LETM1: variants seen among roughly 807,000 people sequenced by gnomAD.
LETM1 encodes the protein mitochondrial proton/calcium exchanger protein.
Under a neutral mutation model 74.5 loss-of-function variants are expected in LETM1, and 50 were observed. The ratio of observed to expected loss-of-function variants is 0.67; its 90% CI spans 0.53 to 0.85. The LOEUF (loss-of-function observed/expected upper bound fraction) is 0.85, where lower values mean the gene tolerates loss of function less well. Among genes scored for constraint, LETM1 ranks in the 40% least tolerant of loss-of-function variants. The pLI, the probability that LETM1 is intolerant of heterozygous loss-of-function variation, is 0.00. For missense variants in LETM1, 824 were observed against 967.8 expected, an observed-to-expected ratio of 0.85 and a Z score of 1.97; for synonymous variants, 446 against 407.1, an observed-to-expected ratio of 1.10 and a Z score of -1.15.
At chr4:1,839,778 C>T (rs1042476208) in intron 3 of LETM1, among the ~76,000 whole-genome samples, 1 of 152,218 alleles carries the variant, frequency 6.6e-6, no homozygotes, top group African/African-American at 2.4e-5. Context: ...GGAAGGAATG[C>T]CCAAGAGGAC....
chr4:1,825,687 G>A lies in LETM1; in HGVS notation c.1081-4C>T, dbSNP rs765911043. Reference sequence around the variant, plus strand: ...CCACCCCTTCCTCAGCAATCAGCTAGAAAACAAAGCAGTGAATTATCATCT... The same window carrying A: ...CCACCCCTTCCTCAGCAATCAGCTAAAAAACAAAGCAGTGAATTATCATCT... On this transcript the variant is annotated splice_region_variant and splice_polypyrimidine_tract_variant and intron_variant, in intron 6 of 13. Transcript: ENST00000302787. The A allele has an allele frequency of 3.1e-6, 5 of 1,611,506 alleles. No homozygotes were observed. The highest frequency in any genetic ancestry group is 4.2e-6 in the Non-Finnish European group (5 of 1,178,488).
intron 10 of LETM1, among the ~76,000 whole-genome samples, chr4:1,821,683 A>C (rs1711779919): frequency 1.3e-5 from 2 of 152,124 alleles, no homozygotes; most frequent in African/African-American, 2.4e-5. Context: ...GATGGAAGGT[A>C]CCAGGAGGCG....
At chr4:1,828,250 G>A (rs1272307719) in intron 6 of LETM1, among the ~76,000 whole-genome samples, 1 of 132,034 alleles carries the variant, frequency 7.6e-6, no homozygotes, top group Non-Finnish European at 1.6e-5. Flanking sequence ...CCTCCCTCCC[G>A]GACGGGGCGG....
In LETM1 at chr4:1,841,525, G is replaced by T. The variant is rs147072184; in HGVS notation, c.416C>A (p.Pro139Gln). 2 of 1,614,196 alleles carry T rather than the reference G, an allele frequency of 1.2e-6. No individual in the cohort carries two copies. Among genetic ancestry groups the T allele is most frequent in the Non-Finnish European group, 1.7e-6 (2 of 1,180,030 alleles). The change falls in exon 3 of 14, where the codon CCG becomes CAG. Residue 139 changes from proline (P) to glutamine (Q), a missense_variant. By Grantham distance (76) the Pro-to-Gln change is moderately conservative. This residue lies in a region of LETM1 where 222 missense variants were observed against 195.6 expected (regional missense o/e 1.14). Coordinates refer to ENST00000302787, the MANE Select transcript of LETM1 (RefSeq NM_012318.3). ...DKNKKLEEGGPVYSPPAEVVV... is the reference protein window; with the variant it reads ...DKNKKLEEGGQVYSPPAEVVV... ...CACCTCTGCGGGGGGGCTGTACACCGGGCCGCCTTCCTCCAGCTTCTTGTT... is the reference window on the plus strand; with the variant it reads ...CACCTCTGCGGGGGGGCTGTACACCTGGCCGCCTTCCTCCAGCTTCTTGTT...
At chr4:1,828,232 GCC>G (rs1481163529) in intron 6 of LETM1, among the ~76,000 whole-genome samples, 1 of 33,008 alleles carries the variant, frequency 3.0e-5, no homozygotes, top group Non-Finnish European at 5.8e-5. Flanking sequence ...GGGGCTGACC[GCC>G]CCCCACCTCC....
At chr4:1,828,302 C>T (rs868421525) in intron 6 of LETM1, among the ~76,000 whole-genome samples, 4,914 of 112,278 alleles carry the variant, frequency 0.044, 45 homozygotes, top group Non-Finnish European at 0.059. Context: ...CCCTCCCGGA[C>T]GGGGCGGCTG....
Position 1,812,840 on chromosome 4 carries a change from T to C in LETM1, c.*1584A>G, listed in dbSNP as rs1178404608. The C allele has an allele frequency of 1.3e-5, 2 of 152,266 alleles. No homozygotes were observed. The highest frequency in any genetic ancestry group is 4.8e-5 in the African/African-American group (2 of 41,430). The allele number at this position is 152,266 out of a possible 1,614,324, so 9.4% of individuals were successfully genotyped here. A position where few individuals can be genotyped will look rare whatever the true frequency, so the allele number is the denominator to read the frequency against. On this transcript the variant is annotated 3_prime_UTR_variant, in exon 14 of 14. Coordinates refer to ENST00000302787, the MANE Select transcript of LETM1 (RefSeq NM_012318.3). ...GTCCAGGGCAGAGGGGACAGTGGGA[T>C]GGGCTGCCTGTTGCAGTGGCTGTTC...
rs1241179419 is a variant in LETM1, at chr4:1,849,328, GA to G, written c.83-120del. ...CGCCCAGGCTAGAGTGCAATGGCGT[GA>G]TCTCGGCTCACTGCAACCTCCACCT... On this transcript the variant is annotated intron_variant, in intron 1 of 13. Transcript: ENST00000302787. The G allele has an allele frequency of 5.7e-6, 4 of 698,774 alleles. No homozygotes were observed. The African/African-American group carries it at 7.1e-5, about 12-fold the overall frequency. 43.3% of individuals were successfully genotyped at this position (698,774 alleles called of 1,614,324 possible).
At chr4:1,841,970 G>A (rs1044486037) in intron 2 of LETM1, among the ~76,000 whole-genome samples, 173 bp from the exon 3 acceptor site, 2 of 152,120 alleles carry the variant, frequency 1.3e-5, no homozygotes, top group African/African-American at 2.4e-5. Context: ...GGAGCCCTTC[G>A]GAAGGGAGGC....
At chr4:1,816,663 G>A in intron 12 of LETM1, 64 bp downstream of exon 12, 1 of 1,509,026 alleles carries the variant, frequency 6.6e-7, no homozygotes. Flanking sequence ...CTCGGATCCA[G>A]CAAAGGGACC....
rs545215079 is a variant in LETM1 at position 1,838,420 on chromosome 4, G to C, written c.595-1848C>G. Reference sequence around the variant, plus strand: ...GCCAGGATTATCTTTAAAAAGGAAGGCCTCCCAGCACTTTGGGAGGCCGAG... The same window carrying C: ...GCCAGGATTATCTTTAAAAAGGAAGCCCTCCCAGCACTTTGGGAGGCCGAG... On this transcript the variant is annotated intron_variant, in intron 3 of 13. Coordinates refer to ENST00000302787, the MANE Select transcript of LETM1 (RefSeq NM_012318.3). 1.1e-3 allele frequency among the ~76,000 whole-genome samples: 170 copies of C among 152,016 alleles called. 4 individuals carry two copies. The South Asian group carries it at 0.033, about 30-fold the overall frequency.
intron 8 of LETM1, 69 bp downstream of exon 8, chr4:1,823,575 C>T (rs1024693107): frequency 6.3e-7 from 1 of 1,583,864 alleles, no homozygotes; most frequent in Non-Finnish European, 8.6e-7. Context: ...TTGCACACCT[C>T]CCCCCACCCC....
rs1241523714 is a variant in LETM1, at chr4:1,827,923, A to AC, written c.1081-2241dup. ...GGGCGGCTGGCTGGGCGGGGGGCTG[A>AC]CCCCCCAACCTCCCTCCCGGATGGG... On this transcript the variant is annotated intron_variant, in intron 6 of 13. Coordinates refer to ENST00000302787, the MANE Select transcript of LETM1 (RefSeq NM_012318.3). 7.8e-4 allele frequency among the ~76,000 whole-genome samples: 107 copies of AC among 137,374 alleles called. 1 individual carries two copies. Among genetic ancestry groups the AC allele is most frequent in the African/African-American group, 2.9e-3 (102 of 35,646 alleles). The allele number at this position is 137,374 out of a possible 152,430, so 90.1% of individuals were successfully genotyped here. A position where few individuals can be genotyped will look rare whatever the true frequency, so the allele number is the denominator to read the frequency against.
At chr4:1,828,759 C>G (rs1320306100) in intron 6 of LETM1, among the ~76,000 whole-genome samples, 1 of 135,670 alleles carries the variant, frequency 7.4e-6, no homozygotes, top group Non-Finnish European at 1.6e-5. Flanking sequence ...CAGGGGCGGC[C>G]GGGCAGAGGC....
intron 1 of LETM1, among the ~76,000 whole-genome samples, chr4:1,850,801 C>CA (rs1713044896): frequency 6.6e-6 from 1 of 151,342 alleles, no homozygotes; most frequent in African/African-American, 2.4e-5. Context: ...CCCATCTCCA[C>CA]AAAAATAAAA....
intron 6 of LETM1, among the ~76,000 whole-genome samples, chr4:1,826,991 C>T (rs1712013439): frequency 6.6e-6 from 1 of 152,210 alleles, no homozygotes; most frequent in African/African-American, 2.4e-5. Context: ...GCATCGTCGC[C>T]TCCACCCACA....
At chr4:1,838,161 G>A (rs1353461209) in intron 3 of LETM1, among the ~76,000 whole-genome samples, 2 of 151,714 alleles carry the variant, frequency 1.3e-5, no homozygotes, top group African/African-American at 2.4e-5. Context: ...TGCAGTGGGC[G>A]CGATCTCGGC....
At chr4:1,831,238 T>A (rs773885432) in intron 6 of LETM1, among the ~76,000 whole-genome samples, 5 of 152,224 alleles carry the variant, frequency 3.3e-5, no homozygotes, top group Non-Finnish European at 5.9e-5. Context: ...CTCACATCCA[T>A]AAGCTAAATC....
At chr4:1,823,597 G>A in intron 8 of LETM1, 47 bp downstream of exon 8, 1 of 1,608,470 alleles carries the variant, frequency 6.2e-7, no homozygotes, top group South Asian at 1.1e-5. Flanking sequence ...GAAGAGCGGA[G>A]CCACCTATGA....
Sources: allele counts gnomAD v4.1 joint callset (sites outside exome capture counted in the v4.1 genomes callset), GRCh38; gene constraint gnomAD v4.1.1; regional missense constraint gnomAD v4.1.1; transcripts MANE v1.5; gene names NCBI Gene and HGNC (gene_info 2026-07-23, HGNC 2026-07-21).